PRSS12: variants seen among roughly 807,000 people sequenced by gnomAD.
PRSS12 encodes the protein serine protease 12, also known as neurotrypsin.
Under a neutral mutation model 104.4 loss-of-function variants are expected in PRSS12, and 85 were observed. The observed-to-expected ratio is 0.81, with a 90% confidence interval of 0.68 to 0.98. The LOEUF is 0.98. Ranked by LOEUF, PRSS12 falls within the 50% of genes least tolerant of loss-of-function variation. The probability of loss-of-function intolerance (pLI) is 0.00; values close to 1 mark genes in which losing one functional copy is unlikely to be tolerated. For synonymous variants in PRSS12, 454 were observed against 425.2 expected (o/e 1.07, Z -0.83); for missense variants, 1,141 against 1,139.2 (o/e 1.00, Z -0.02).
chr4:118,282,830 C>CCTGTGT lies in PRSS12; in HGVS notation c.2315_2320dup (p.Asp772_Thr773dup). On this transcript the variant is annotated inframe_insertion and splice_region_variant. Coordinates refer to ENST00000296498, the MANE Select transcript of PRSS12 (RefSeq NM_003619.4). ...CCCTGCTTTTTTTGATTATGCCTTA[C>CCTGTGT]CTGTGTCACCCCATCCTGTTATGTA... 1.2e-6 allele frequency: 2 copies of CCTGTGT among 1,614,114 alleles called. No individual in the cohort carries two copies. The highest frequency in any genetic ancestry group is 1.7e-6 in the Non-Finnish European group (2 of 1,180,020).
chr4:118,332,605 C>A lies in PRSS12; in HGVS notation c.821-739G>T, dbSNP rs184785547. Among the ~76,000 whole-genome samples, 369 of 152,228 alleles carry A rather than the reference C, an allele frequency of 2.4e-3. 1 individual carries two copies. Among genetic ancestry groups the A allele is most frequent in the Non-Finnish European group, 2.9e-3 (194 of 68,024 alleles). On this transcript the variant is annotated intron_variant, in intron 3 of 12. Coordinates refer to ENST00000296498, the MANE Select transcript of PRSS12 (RefSeq NM_003619.4). ...TCTTCCTGAGAGTATTTACTTTTAT[C>A]TAAAATTGTCACTGATTTACTGTTT...
chr4:118,295,333 T>C (rs1295813011), intron 10 of PRSS12, among the ~76,000 whole-genome samples: 1 of 152,242 alleles, frequency 6.6e-6, no homozygotes, highest in Non-Finnish European at 1.5e-5. Context: ...GTCTTCTTTA[T>C]ATTTCATGAT....
chr4:118,352,853 G>T lies in PRSS12; in HGVS notation c.-133C>A. 1.4e-6 allele frequency: 2 copies of T among 1,471,236 alleles called. No individual in the cohort carries two copies. The highest frequency in any genetic ancestry group is 5.2e-5 in the East Asian group (2 of 38,242). 91.1% of individuals were successfully genotyped at this position (1,471,236 alleles called of 1,614,324 possible). A position where few individuals can be genotyped will look rare whatever the true frequency, so the allele number is the denominator to read the frequency against. On this transcript the variant is annotated 5_prime_UTR_variant, in exon 1 of 13. Coordinates refer to ENST00000296498, the MANE Select transcript of PRSS12 (RefSeq NM_003619.4). ...CCCCTCCCGCCCCCGCACGCGGACC[G>T]CCCTCGCCTCCCCAACCTTGCCTCC...
At chr4:118,293,957 T>C (rs9999431) in intron 11 of PRSS12, among the ~76,000 whole-genome samples, 423 of 152,340 alleles carry the variant, frequency 2.8e-3, no homozygotes, top group African/African-American at 9.8e-3. Context: ...AGCAGCTAAC[T>C]ATGCAGCAAC....
rs1743215043 is a variant in PRSS12, at chr4:118,294,791, G to A, written c.2039+148C>T. The A allele has an allele frequency of 3.5e-6, 4 of 1,131,106 alleles. No individual in the cohort carries two copies. The South Asian group carries it at 3.9e-5, about 11-fold the overall frequency. The allele number at this position is 1,131,106 out of a possible 1,614,324, so 70.1% of individuals were successfully genotyped here. A position where few individuals can be genotyped will look rare whatever the true frequency, so the allele number is the denominator to read the frequency against. Reference sequence around the variant, plus strand: ...TCTAAGGGCTCTCTTTGCTCCTTTTGTCACTCCCTCATTCCACAGGGCTGC... The same window carrying A: ...TCTAAGGGCTCTCTTTGCTCCTTTTATCACTCCCTCATTCCACAGGGCTGC... On this transcript the variant is annotated intron_variant, in intron 11 of 12. Coordinates refer to ENST00000296498, the MANE Select transcript of PRSS12 (RefSeq NM_003619.4).
intron 4 of PRSS12, among the ~76,000 whole-genome samples, chr4:118,329,328 C>G (rs1408054303): frequency 1.3e-5 from 2 of 152,102 alleles, no homozygotes; most frequent in African/African-American, 4.8e-5. Flanking sequence ...TATTAATAAT[C>G]AAAAATGCCT....
intron 11 of PRSS12, among the ~76,000 whole-genome samples, chr4:118,291,349 G>C (rs1287376690): frequency 6.6e-6 from 1 of 152,078 alleles, no homozygotes; most frequent in Non-Finnish European, 1.5e-5. Flanking sequence ...TCTACCACCA[G>C]CCTCTACCTT....
intron 3 of PRSS12, among the ~76,000 whole-genome samples, chr4:118,332,693 C>A (rs1172353958): frequency 6.6e-6 from 1 of 152,158 alleles, no homozygotes; most frequent in East Asian, 1.9e-4. Flanking sequence ...TTCCTTTACA[C>A]CTATGTATTT....
rs370350414 is a variant in PRSS12 at position 118,288,999 on chromosome 4, A to T, written c.2040-5888T>A. 2.6e-5 allele frequency among the ~76,000 whole-genome samples: 4 copies of T among 152,322 alleles called. No homozygotes were observed. The East Asian group carries it at 5.8e-4, about 22-fold the overall frequency. ...AAATGTGTGAAAGCTATGAGGGAAT[A>T]AGAGTTGAGTTACGAAAACTTTGCC... On this transcript the variant is annotated intron_variant, in intron 11 of 12. Transcript: ENST00000296498.
chr4:118,287,490 C>T (rs1466113200), intron 11 of PRSS12, among the ~76,000 whole-genome samples: 9 of 152,180 alleles, frequency 5.9e-5, no homozygotes, highest in Admixed American at 5.9e-4. Context: ...AATGTACCAG[C>T]TAAACCTAAG....
intron 4 of PRSS12, among the ~76,000 whole-genome samples, chr4:118,323,270 C>G (rs1723680061): frequency 6.6e-6 from 1 of 152,044 alleles, no homozygotes; most frequent in Non-Finnish European, 1.5e-5. Flanking sequence ...GATTAACAGC[C>G]TTCTTGGATC....
chr4:118,316,450 T>C, intron 5 of PRSS12, 127 bp from the exon 6 acceptor site: 1 of 1,169,468 alleles, frequency 8.6e-7, no homozygotes, highest in Admixed American at 2.0e-5. Flanking sequence ...TAAACTTACA[T>C]TACATCTGTG....
chr4:118,309,130 T>G (rs1158509327), intron 7 of PRSS12, among the ~76,000 whole-genome samples: 2 of 151,514 alleles, frequency 1.3e-5, no homozygotes, highest in African/African-American at 4.8e-5. Context: ...ATAGGGACAG[T>G]TACCATCTAA....
chr4:118,343,618 G>A lies in PRSS12; in HGVS notation c.503-5304C>T, dbSNP rs189794433. On this transcript the variant is annotated intron_variant, in intron 1 of 12. Transcript: ENST00000296498. The stretch of plus-strand genomic sequence containing the variant: ...CAAAAAATTTTAAAATTAGCTGGGC[G>A]TGGTGGCCCAGGCCTGTAATCCCAG... Among the ~76,000 whole-genome samples, 228 of 152,100 alleles carry A rather than the reference G, an allele frequency of 1.5e-3. 2 individuals carry two copies. Among genetic ancestry groups the A allele is most frequent in the African/African-American group, 4.5e-3 (188 of 41,492 alleles).
intron 8 of PRSS12, chr4:118,303,688 G>A (rs1328997547): frequency 1.3e-5 from 2 of 151,994 alleles, no homozygotes; most frequent in Non-Finnish European, 2.9e-5. Context: ...AACTTTCCAA[G>A]GGATACACAG....
At chr4:118,340,783 G>A (rs1578939195) in intron 1 of PRSS12, among the ~76,000 whole-genome samples, 1 of 152,240 alleles carries the variant, frequency 6.6e-6, no homozygotes, top group Middle Eastern at 3.4e-3. Context: ...AAAGCTATAG[G>A]AGATACTGCC....
In PRSS12 at chr4:118,298,845, G is replaced by A; in HGVS notation, c.1725C>T (p.Ser575=). ...DNVKCTGNER[S]LADCIKQDIG... is the part of the protein sequence containing the mutation. The stretch of plus-strand genomic sequence containing the variant: ...TATCTTGCTTGATACAGTCAGCCAA[G>A]GACCTCTCATTTCCTGTGCACTTCA... Residue 575 remains serine, a synonymous_variant, in exon 9 of 13, where the codon TCC becomes TCT. Transcript: ENST00000296498. The A allele has an allele frequency of 6.2e-7, 1 of 1,614,144 alleles. No homozygotes were observed. Among genetic ancestry groups the A allele is most frequent in the Non-Finnish European group, 8.5e-7 (1 of 1,180,022 alleles).
intron 8 of PRSS12, among the ~76,000 whole-genome samples, chr4:118,304,470 G>A (rs1187582657): frequency 6.6e-6 from 1 of 151,896 alleles, no homozygotes; most frequent in African/African-American, 2.4e-5. Flanking sequence ...CTATTTAAAT[G>A]TAAAATAGAT....
chr4:118,340,762 A>C (rs1724184342), intron 1 of PRSS12, among the ~76,000 whole-genome samples: 1 of 152,188 alleles, frequency 6.6e-6, no homozygotes, highest in South Asian at 2.1e-4. Context: ...GAGCCTTTAG[A>C]ATGAGGACCC....
Sources: allele counts gnomAD v4.1 joint callset (sites outside exome capture counted in the v4.1 genomes callset), GRCh38; gene constraint gnomAD v4.1.1; transcripts MANE v1.5; gene names NCBI Gene and HGNC (gene_info 2026-07-23, HGNC 2026-07-21).